The following ALDH2 variants were observed in gnomAD, a reference collection of about 807,000 sequenced individuals.
ALDH2 encodes the protein aldehyde dehydrogenase, mitochondrial.
ALDH2 carries 44 observed loss-of-function variants against 59.6 expected under a neutral mutation model. The observed-to-expected ratio is 0.74, with a 90% CI of 0.58 to 0.95. ALDH2 has a LOEUF of 0.95. Ranked by LOEUF, ALDH2 falls within the 40% of genes least tolerant of loss-of-function variation. The pLI, the probability that ALDH2 is intolerant of heterozygous loss-of-function variation, is 0.00. For synonymous variants in ALDH2, 291 were observed against 284.0 expected, an observed-to-expected ratio of 1.02 and a Z score of -0.25; for missense variants, 570 against 696.3, an observed-to-expected ratio of 0.82 and a Z score of 2.04.
intron 1 of ALDH2, among the ~76,000 whole-genome samples, chr12:111,778,145 A>G (rs937658008): frequency 6.6e-6 from 1 of 152,126 alleles, no homozygotes; most frequent in Admixed American, 6.6e-5. Flanking sequence ...AGACCCTCAC[A>G]TGGCTTTATA....
At chr12:111,808,464 G>C (rs1221629848) in intron 12 of ALDH2, among the ~76,000 whole-genome samples, 1 of 152,078 alleles carries the variant, frequency 6.6e-6, no homozygotes, top group Non-Finnish European at 1.5e-5. Context: ...CAGCACTTTG[G>C]GACACTGAGG....
intron 9 of ALDH2, among the ~76,000 whole-genome samples, chr12:111,797,068 T>G (rs551345492): frequency 6.6e-6 from 1 of 151,922 alleles, no homozygotes; most frequent in South Asian, 2.1e-4. Context: ...CAAGCGATTC[T>G]CCTGCCTCAG....
intron 9 of ALDH2, among the ~76,000 whole-genome samples, chr12:111,797,123 C>CG (rs1166215259): frequency 6.6e-6 from 1 of 152,036 alleles, no homozygotes; most frequent in Non-Finnish European, 1.5e-5. Context: ...TTAGTAGAGA[C>CG]GGGGTTTCAC....
At chr12:111,776,810 G>A (rs1016417240) in intron 1 of ALDH2, among the ~76,000 whole-genome samples, 5 of 151,882 alleles carry the variant, frequency 3.3e-5, no homozygotes, top group South Asian at 2.1e-4. Context: ...TCAGCCTGTC[G>A]AGTAGCTGGG....
Position 111,767,180 on chromosome 12 carries a change from C to T in ALDH2, c.114+84C>T, listed in dbSNP as rs975681504. 6.3e-6 allele frequency: 7 copies of T among 1,116,240 alleles called. No individual in the cohort carries two copies. In the African/African-American group the frequency reaches 1.0e-4, roughly 16 times the overall value. The allele number at this position is 1,116,240 out of a possible 1,614,324, so 69.1% of individuals were successfully genotyped here. A position where few individuals can be genotyped will look rare whatever the true frequency, so the allele number is the denominator to read the frequency against. The stretch of plus-strand genomic sequence containing the variant: ...TAGGAAGGCCCCGCGCCGCCGTGGG[C>T]CTTAGTGTACTCATCTGGGGCTCGA... On this transcript the variant is annotated intron_variant, in intron 1 of 12. Coordinates refer to ENST00000261733, the MANE Select transcript of ALDH2 (RefSeq NM_000690.4).
Position 111,806,319 on chromosome 12 carries a change from G to GA in ALDH2, c.1521+2359dup, listed in dbSNP as rs946624016. Among the ~76,000 whole-genome samples, 256 of 127,946 alleles carry GA rather than the reference G, an allele frequency of 2.0e-3. 5 individuals carry two copies. Among genetic ancestry groups the GA allele is most frequent in the Admixed American group, 0.011 (140 of 12,790 alleles). 83.9% of individuals were successfully genotyped at this position (127,946 alleles called of 152,430 possible). A position where few individuals can be genotyped will look rare whatever the true frequency, so the allele number is the denominator to read the frequency against. ...GCGACAGAGCGAGACTCCGTCTCAG[G>GA]AAAAAAAAAAAAAGAAAAAACAAAC... On this transcript the variant is annotated intron_variant, in intron 12 of 12. Coordinates refer to ENST00000261733, the MANE Select transcript of ALDH2 (RefSeq NM_000690.4).
rs1226268597 is a variant in ALDH2 at position 111,792,738 on chromosome 12, G to A, written c.1039G>A (p.Val347Met). 1.3e-6 allele frequency: 2 copies of A among 1,566,966 alleles called. No individual in the cohort carries two copies. The highest frequency in any genetic ancestry group is 3.8e-5 in the Admixed American group (2 of 53,058). Reference protein sequence around the residue: ...ERSVARAKSRVVGNPFDSKTE... With the variant: ...ERSVARAKSRMVGNPFDSKTE... The stretch of plus-strand genomic sequence containing the variant: ...GAGCGTTGCCCGGGCCAAGTCTCGG[G>A]TGGTCGGGAACCCCTTTGATAGCAA... Residue 347 changes from valine to methionine, a missense_variant, in exon 9 of 13, where the codon GTG becomes ATG. Val to Met is a conservative substitution (Grantham distance 21, BLOSUM62 1). Coordinates refer to ENST00000261733, the MANE Select transcript of ALDH2 (RefSeq NM_000690.4).
chr12:111,809,769 G>A lies in ALDH2; in HGVS notation c.*194G>A. 1.6e-6 allele frequency: 1 copy of A among 610,238 alleles called. No homozygotes were observed. The highest frequency in any genetic ancestry group is 2.9e-6 in the Non-Finnish European group (1 of 350,000). The allele number at this position is 610,238 out of a possible 1,614,324, so 37.8% of individuals were successfully genotyped here. On this transcript the variant is annotated 3_prime_UTR_variant, in exon 13 of 13. Coordinates refer to ENST00000261733, the MANE Select transcript of ALDH2 (RefSeq NM_000690.4). ...TTGGCTGAGGGTAAGAGTATATGAG[G>A]AACCTTTTAAACGACAACAATACTG...
chr12:111,805,447 C>A (rs2068486584), intron 12 of ALDH2, among the ~76,000 whole-genome samples: 1 of 152,130 alleles, frequency 6.6e-6, no homozygotes, highest in Admixed American at 6.6e-5. Context: ...ATCTCAGTCT[C>A]CCGAGTAGCT....
At chr12:111,806,362 C>A (rs766615665) in intron 12 of ALDH2, among the ~76,000 whole-genome samples, 3 of 151,508 alleles carry the variant, frequency 2.0e-5, no homozygotes, top group Non-Finnish European at 4.4e-5. Flanking sequence ...GAAATATACA[C>A]TGAAGTGAAA....
chr12:111,774,277 C>G (rs1019890149), intron 1 of ALDH2, among the ~76,000 whole-genome samples: 3 of 152,142 alleles, frequency 2.0e-5, no homozygotes, highest in African/African-American at 7.2e-5. Flanking sequence ...CCCAACTAAC[C>G]TGGGGTTCTG....
intron 2 of ALDH2, among the ~76,000 whole-genome samples, chr12:111,782,358 C>G (rs2068278580): frequency 6.6e-6 from 1 of 152,208 alleles, no homozygotes; most frequent in South Asian, 2.1e-4. Flanking sequence ...ATTGTACAGA[C>G]TGTAGGAACC....
intron 12 of ALDH2, among the ~76,000 whole-genome samples, chr12:111,804,303 G>A (rs1312785114): frequency 6.6e-6 from 1 of 152,184 alleles, no homozygotes; most frequent in Admixed American, 6.5e-5. Flanking sequence ...GAGAAATACT[G>A]AGGGACGTGC....
intron 11 of ALDH2, among the ~76,000 whole-genome samples, chr12:111,802,068 T>C (rs10774638): frequency 0.35 from 53,719 of 151,512 alleles, 13,935 homozygotes; most frequent in East Asian, 0.85. Context: ...TCTTGGCCAA[T>C]GTGGTGAAAC....
chr12:111,776,101 A>T (rs2068232420), intron 1 of ALDH2, among the ~76,000 whole-genome samples: 1 of 152,196 alleles, frequency 6.6e-6, no homozygotes, highest in African/African-American at 2.4e-5. Context: ...AATCTAAATC[A>T]GAGGGGCCAG....
At chr12:111,786,935 T>G (rs2068314727) in intron 4 of ALDH2, among the ~76,000 whole-genome samples, 1 of 152,112 alleles carries the variant, frequency 6.6e-6, no homozygotes, top group Non-Finnish European at 1.5e-5. Context: ...CCAGGCACAG[T>G]GGCTCACACC....
At chr12:111,783,698 C>G (rs2136014098) in intron 3 of ALDH2, among the ~76,000 whole-genome samples, 1 of 152,140 alleles carries the variant, frequency 6.6e-6, no homozygotes, top group East Asian at 1.9e-4. Flanking sequence ...TTAGTAGAGA[C>G]AAGGTTTCAC....
Position 111,792,675 on chromosome 12 carries a change from T to G in ALDH2, c.976T>G (p.Phe326Val), listed in dbSNP as rs1299980962. The change falls in exon 9 of 13, where the codon TTC becomes GTC. Residue 326 changes from phenylalanine to valine, a missense_variant. Coordinates refer to ENST00000261733, the MANE Select transcript of ALDH2 (RefSeq NM_000690.4). Reference sequence around the variant, plus strand: ...GTGCTGCTGTGCCGGCTCCCGGACCTTCGTGCAGGAGGACATCTATGATGA... The same window carrying G: ...GTGCTGCTGTGCCGGCTCCCGGACCGTCGTGCAGGAGGACATCTATGATGA... The part of the protein sequence containing the change: ...GQCCCAGSRT[F>V]VQEDIYDEFV... 1.2e-6 allele frequency: 2 copies of G among 1,610,294 alleles called. No homozygotes were observed. The highest frequency in any genetic ancestry group is 4.5e-5 in the East Asian group (2 of 44,674).
chr12:111,788,096 G>A (rs2068325817), intron 4 of ALDH2, among the ~76,000 whole-genome samples: 1 of 152,026 alleles, frequency 6.6e-6, no homozygotes, highest in Non-Finnish European at 1.5e-5. Context: ...TGGCAGGCAT[G>A]CTACTTGGGA....
Sources: gnomAD v4.1 joint callset for allele counts (sites outside exome capture counted in the v4.1 genomes callset) on GRCh38, gnomAD v4.1.1 for gene constraint, MANE v1.5 for transcripts, NCBI Gene and HGNC (gene_info 2026-07-23, HGNC 2026-07-21) for gene names.